PCDHA9: variants seen among roughly 807,000 people sequenced by gnomAD.
PCDHA9 encodes the protein protocadherin alpha 9.
A neutral mutation model predicts 62.0 loss-of-function variants in PCDHA9; 62 were observed. That is an observed-to-expected ratio of 1.00 (90% confidence interval 0.81 to 1.23). The LOEUF is 1.23. PCDHA9 is among the 50% of genes most tolerant of loss of function. The pLI is 0.00. For missense variants in PCDHA9, 1,205 were observed against 1,249.8 expected (o/e 0.96, Z 0.54); for synonymous variants, 557 against 567.6 (o/e 0.98, Z 0.27).
At chr5:140,965,442 G>A (rs782186943) in intron 1 of PCDHA9, among the ~76,000 whole-genome samples, 3 of 151,978 alleles carry the variant, frequency 2.0e-5, no homozygotes, top group Non-Finnish European at 4.4e-5. Flanking sequence ...CATTGAAATT[G>A]CTGGTTATTG....
intron 1 of PCDHA9, chr5:140,868,630 T>G (rs1440809892): frequency 6.5e-6 from 1 of 154,578 alleles, no homozygotes; most frequent in Non-Finnish European, 1.4e-5. Context: ...CTGAATTCTC[T>G]TTCTCTCTCA....
chr5:140,861,928 T>G (rs1225434437), intron 1 of PCDHA9: 1 of 154,028 alleles, frequency 6.5e-6, no homozygotes, highest in Non-Finnish European at 1.4e-5. Flanking sequence ...ATGTAAATGA[T>G]GATGCCCAGT....
At chr5:140,930,906 C>T (rs1235701028) in intron 1 of PCDHA9, among the ~76,000 whole-genome samples, 1 of 152,134 alleles carries the variant, frequency 6.6e-6, no homozygotes, top group African/African-American at 2.4e-5. Flanking sequence ...ACTTACTTTT[C>T]TACTTTAGAT....
At chr5:140,990,025 T>C (rs2097371572) in intron 3 of PCDHA9, among the ~76,000 whole-genome samples, 1 of 151,914 alleles carries the variant, frequency 6.6e-6, no homozygotes, top group African/African-American at 2.4e-5. Flanking sequence ...AGGCAAAGGA[T>C]GGGAGAAGTC....
chr5:140,926,323 G>C (rs977416438), intron 1 of PCDHA9: 1 of 152,270 alleles, frequency 6.6e-6, no homozygotes, highest in South Asian at 2.1e-4. Flanking sequence ...GGTGCGCCGG[G>C]GTCAGAGCGC....
At position 140,849,617 on chromosome 5, in the gene PCDHA9, G is replaced by C. The variant is rs2150442549; in HGVS notation, c.1122G>C (p.Val374=). 1 of 1,598,746 alleles carries C rather than the reference G, an allele frequency of 6.3e-7. No individual in the cohort carries two copies. Among genetic ancestry groups the C allele is most frequent in the Non-Finnish European group, 8.6e-7 (1 of 1,168,004 alleles). Residue 374 remains valine, a synonymous_variant, in exon 1 of 4, where the codon GTG becomes GTC. Coordinates refer to ENST00000532602, the MANE Select transcript of PCDHA9 (RefSeq NM_031857.2). ...GGACAGTTATTGCCCTGATTAGTGT[G>C]ATCGACCTAGACGCAGATGCCAACG... ...QLGTVIALIS[V]IDLDADANGQ... is the part of the protein sequence containing the mutation.
chr5:140,856,385 C>T lies in PCDHA9; in HGVS notation c.2394+5496C>T, dbSNP rs190288099. On this transcript the variant is annotated intron_variant, in intron 1 of 3. Coordinates refer to ENST00000532602, the MANE Select transcript of PCDHA9 (RefSeq NM_031857.2). ...CCTGGAGGTGATCGTGGACAGGCCG[C>T]TGCAGGTTTTCCATGTGGACGTGGA... 1.5e-4 allele frequency: 246 copies of T among 1,598,538 alleles called. 26 individuals are homozygous for T. The highest frequency in any genetic ancestry group is 2.0e-4 in the Non-Finnish European group (228 of 1,167,982).
intron 3 of PCDHA9, among the ~76,000 whole-genome samples, chr5:140,996,834 A>G (rs527764387): frequency 1.7e-4 from 26 of 152,374 alleles, no homozygotes; most frequent in Middle Eastern, 3.4e-3. Flanking sequence ...CCAATAATTT[A>G]GCGTGCATCT....
intron 3 of PCDHA9, among the ~76,000 whole-genome samples, chr5:141,004,166 A>C (rs2098156060): frequency 6.6e-6 from 1 of 152,278 alleles, no homozygotes; most frequent in Non-Finnish European, 1.5e-5. Context: ...AGGCAAAGCC[A>C]GCCAAGTGTC....
intron 1 of PCDHA9, among the ~76,000 whole-genome samples, chr5:140,902,974 AGGTT>A (rs2069912537): frequency 6.6e-6 from 1 of 152,178 alleles, no homozygotes. Context: ...ATGGGCATTT[AGGTT>A]GGTTCCATAT....
intron 1 of PCDHA9, chr5:140,928,828 C>G (rs199775949): frequency 6.2e-7 from 1 of 1,614,160 alleles, no homozygotes. Context: ...AGACCCACCA[C>G]TTTCCTCCTC....
intron 1 of PCDHA9, among the ~76,000 whole-genome samples, chr5:140,896,219 T>A (rs1212681477): frequency 1.3e-5 from 2 of 152,252 alleles, no homozygotes; most frequent in African/African-American, 2.4e-5. Flanking sequence ...TACATGTGTC[T>A]TTATAGTAGA....
chr5:140,899,909 G>A (rs1401600020), intron 1 of PCDHA9, among the ~76,000 whole-genome samples: 1 of 152,134 alleles, frequency 6.6e-6, no homozygotes, highest in Non-Finnish European at 1.5e-5. Flanking sequence ...CTGGGCTCAA[G>A]CAATCCTCCT....
chr5:140,929,065 C>G, intron 1 of PCDHA9: 1 of 1,614,194 alleles, frequency 6.2e-7, no homozygotes. Context: ...TACAGAGGAT[C>G]TGAGGTATGG....
intron 1 of PCDHA9, among the ~76,000 whole-genome samples, chr5:140,938,344 G>A (rs569264531): frequency 6.6e-6 from 1 of 152,264 alleles, no homozygotes; most frequent in Non-Finnish European, 1.5e-5. Context: ...GGATAATCTT[G>A]TCTTATTCCT....
At chr5:140,948,395 T>C (rs1317288202) in intron 1 of PCDHA9, among the ~76,000 whole-genome samples, 1 of 151,580 alleles carries the variant, frequency 6.6e-6, no homozygotes, top group African/African-American at 2.4e-5. Context: ...TTCTGAAAGG[T>C]TGTGTAATAT....
intron 1 of PCDHA9, among the ~76,000 whole-genome samples, chr5:140,936,196 G>A (rs1251323087): frequency 1.3e-5 from 2 of 152,072 alleles, no homozygotes; most frequent in African/African-American, 4.8e-5. Flanking sequence ...CCCAGCCAAA[G>A]TTGTCTTTTT....
chr5:140,855,827 A>G lies in PCDHA9; in HGVS notation c.2394+4938A>G. 2 of 557,722 alleles carry G rather than the reference A, an allele frequency of 3.6e-6. 1 individual carries two copies. Among genetic ancestry groups the G allele is most frequent in the South Asian group, 5.7e-5 (2 of 35,188 alleles). 34.5% of individuals were successfully genotyped at this position (557,722 alleles called of 1,614,324 possible). A position where few individuals can be genotyped will look rare whatever the true frequency, so the allele number is the denominator to read the frequency against. The stretch of plus-strand genomic sequence containing the variant: ...GAAAGAAAAGTTGTGAACTCATGGA[A>G]TCGTACTTACACCTAAAGCCACCGG... On this transcript the variant is annotated intron_variant, in intron 1 of 3. Coordinates refer to ENST00000532602, the MANE Select transcript of PCDHA9 (RefSeq NM_031857.2).
intron 1 of PCDHA9, chr5:140,857,244 C>A: frequency 6.3e-7 from 1 of 1,598,592 alleles, no homozygotes; most frequent in Admixed American, 1.7e-5. Flanking sequence ...CTGGTGTCCA[C>A]CTACAAGAAT....
Sources: gnomAD v4.1 joint callset for allele counts (sites outside exome capture counted in the v4.1 genomes callset) on GRCh38, gnomAD v4.1.1 for gene constraint, MANE v1.5 for transcripts, NCBI Gene and HGNC (gene_info 2026-07-23, HGNC 2026-07-21) for gene names.